POLE: variants seen among roughly 807,000 people sequenced by gnomAD.
The protein encoded by POLE is DNA polymerase epsilon catalytic subunit A.
A neutral mutation model predicts 279.2 loss-of-function variants in POLE; 188 were observed. The observed-to-expected ratio is 0.67, with a 90% confidence interval of 0.60 to 0.76. POLE has a LOEUF of 0.76. Ranked by LOEUF, POLE falls within the 30% of genes least tolerant of loss-of-function variation. POLE has a pLI of 0.00. For missense variants in POLE, 2,703 were observed against 3,016.7 expected (o/e 0.90, Z 2.44); for synonymous variants, 1,214 against 1,172.5 (o/e 1.04, Z -0.72).
chr12:132,676,502 G>A lies in POLE; in HGVS notation c.909+44C>T, dbSNP rs777801717. On this transcript the variant is annotated intron_variant, in intron 9 of 48. Coordinates refer to ENST00000320574, the MANE Select transcript of POLE (RefSeq NM_006231.4). ...CTGCTGTAGTATGGGGACCAGACAA[G>A]GTCCCCATCCCAGGAGCTTACTTCC... The A allele has an allele frequency of 5.0e-6, 6 of 1,206,268 alleles. No homozygotes were observed. The highest frequency in any genetic ancestry group is 3.0e-5 in the African/African-American group (2 of 67,134). The allele number at this position is 1,206,268 out of a possible 1,614,324, so 74.7% of individuals were successfully genotyped here.
intron 25 of POLE, 63 bp downstream of exon 25, chr12:132,660,906 G>A (rs1445149623): frequency 1.5e-6 from 2 of 1,375,870 alleles, no homozygotes; most frequent in Admixed American, 2.3e-5. Context: ...GGAAGCACGG[G>A]GTCCCCTTCT....
intron 6 of POLE, among the ~76,000 whole-genome samples, chr12:132,678,510 G>C (rs945147714): frequency 6.6e-6 from 1 of 151,926 alleles, no homozygotes; most frequent in South Asian, 2.1e-4. Flanking sequence ...CCAGGAGTTC[G>C]AGGCCACAGT....
At position 132,649,397 on chromosome 12, in the gene POLE, C is replaced by A. The variant is rs761617609; in HGVS notation, c.3914G>T (p.Gly1305Val). The change falls in exon 31 of 49, where the codon GGG (glycine) becomes GTG (valine). Residue 1305 changes from glycine (G) to valine (V), a missense_variant. Gly to Val is a moderately radical substitution (Grantham distance 109). Transcript: ENST00000320574. The part of the protein sequence containing the change: ...LESAEGVLRP[G>V]AIRDGPATGL... ...CGTGGCAGGACCATCCCGGATGGCC[C>A]CGGGCCTGAGCACACCCTCTGCCGA... is the stretch of plus-strand genomic sequence containing the variant. The A allele has an allele frequency of 6.2e-7, 1 of 1,613,326 alleles. No homozygotes were observed. The highest frequency in any genetic ancestry group is 8.5e-7 in the Non-Finnish European group (1 of 1,180,036).
chr12:132,668,301 G>T lies in POLE; in HGVS notation c.2173+55C>A, dbSNP rs920126886. ...GGACCAACGCAGCCCAGTAAGAACA[G>T]AAAGTGGGAGCAGGAGCCACATCTT... is the stretch of plus-strand genomic sequence containing the variant. On this transcript the variant is annotated intron_variant, in intron 19 of 48. Coordinates refer to ENST00000320574, the MANE Select transcript of POLE (RefSeq NM_006231.4). The surrounding 1 kb of genome is among the most constrained non-coding windows in gnomAD (Gnocchi z 4.0). 8.0e-6 allele frequency: 12 copies of T among 1,506,366 alleles called. No individual in the cohort carries two copies. Among genetic ancestry groups the T allele is most frequent in the Non-Finnish European group, 1.1e-5 (12 of 1,128,296 alleles). The allele number at this position is 1,506,366 out of a possible 1,614,324, so 93.3% of individuals were successfully genotyped here.
intron 29 of POLE, among the ~76,000 whole-genome samples, chr12:132,654,952 C>G (rs1268236086): frequency 1.6e-4 from 24 of 152,078 alleles, no homozygotes; most frequent in Non-Finnish European, 1.0e-4. Flanking sequence ...GGTGAAGTGC[C>G]TATTCACAGG....
chr12:132,654,948 G>A (rs966183962), intron 29 of POLE, among the ~76,000 whole-genome samples: 24 of 152,142 alleles, frequency 1.6e-4, no homozygotes, highest in Admixed American at 1.4e-3. Flanking sequence ...CTGGGGTGAA[G>A]TGCCTATTCA....
intron 16 of POLE, among the ~76,000 whole-genome samples, chr12:132,670,584 G>A (rs111236734): frequency 0.071 from 10,669 of 150,696 alleles, 529 homozygotes; most frequent in Admixed American, 0.14. Context: ...TCCGCCTCCC[G>A]GGTTCTTGCT....
At position 132,643,119 on chromosome 12, in the gene POLE, G is replaced by A. The variant is rs1235640696; in HGVS notation, c.4551+105C>T. The A allele has an allele frequency of 6.2e-6, 9 of 1,462,182 alleles. No homozygotes were observed. In the South Asian group the frequency reaches 8.6e-5, roughly 14 times the overall value. 90.6% of individuals were successfully genotyped at this position (1,462,182 alleles called of 1,614,324 possible). A position where few individuals can be genotyped will look rare whatever the true frequency, so the allele number is the denominator to read the frequency against. Reference sequence around the variant, plus strand: ...ATCACGACAAGCACTCATGGGCAAAGGCCCTTGAGGACAAGACCTGGAGGG... The same window carrying A: ...ATCACGACAAGCACTCATGGGCAAAAGCCCTTGAGGACAAGACCTGGAGGG... On this transcript the variant is annotated intron_variant, in intron 35 of 48. Transcript: ENST00000320574.
intron 42 of POLE, 105 bp downstream of exon 42, chr12:132,635,787 G>T: frequency 8.4e-7 from 1 of 1,187,512 alleles, no homozygotes; most frequent in Non-Finnish European, 1.2e-6. Flanking sequence ...TGCAGTGTCT[G>T]CTGCTCACGG....
chr12:132,657,157 G>A lies in POLE; in HGVS notation c.3561C>T (p.Phe1187=), dbSNP rs2138656241. 1 of 1,614,028 alleles carries A rather than the reference G, an allele frequency of 6.2e-7. No homozygotes were observed. Among genetic ancestry groups the A allele is most frequent in the Non-Finnish European group, 8.5e-7 (1 of 1,180,000 alleles). ...VYKQKKISEL[F]TLEGRRQVTM... is the part of the protein sequence containing the mutation. Reference sequence around the variant, plus strand: ...TCACCTGTCTCCTGCCCTCCAGGGTGAAGAGCTCACTGATCTTCTTCTGCT... The same window carrying A: ...TCACCTGTCTCCTGCCCTCCAGGGTAAAGAGCTCACTGATCTTCTTCTGCT... The change falls in exon 29 of 49, where the codon TTC becomes TTT. Residue 1187 remains phenylalanine, a synonymous_variant. Coordinates refer to ENST00000320574, the MANE Select transcript of POLE (RefSeq NM_006231.4).
rs573086749 is a variant in POLE at position 132,656,515 on chromosome 12, C to T, written c.3582+621G>A. Among the ~76,000 whole-genome samples the T allele has an allele frequency of 1.9e-3, 296 of 152,084 alleles. 2 individuals carry two copies. The highest frequency in any genetic ancestry group is 6.9e-3 in the African/African-American group (285 of 41,514). On this transcript the variant is annotated intron_variant, in intron 29 of 48. Coordinates refer to ENST00000320574, the MANE Select transcript of POLE (RefSeq NM_006231.4). ...CTAGGACTACAGGCGCCCACCACTA[C>T]GCCTGGCTAATTTTTTGTATTTTTA...
rs2042740100 is a variant in POLE, at chr12:132,664,194, T to TCGCC, written c.2562-47_2562-46insGGCG. The TCGCC allele has an allele frequency of 3.1e-6, 5 of 1,606,902 alleles. 1 individual carries two copies. The highest frequency in any genetic ancestry group is 2.7e-5 in the African/African-American group (2 of 74,714). ...AAGGTCGTGAGTTCCCCTTTCCTTT[T>TCGCC]CACCCAGTGTGTGGCCTCCAGCCTT... On this transcript the variant is annotated intron_variant, in intron 22 of 48. Coordinates refer to ENST00000320574, the MANE Select transcript of POLE (RefSeq NM_006231.4). This position sits in a 1 kb window ranked among gnomAD's most constrained non-coding sequence, Gnocchi z 5.3.
At position 132,677,690 on chromosome 12, in the gene POLE, T is replaced by A. The variant is rs937691282; in HGVS notation, c.608A>T (p.Asp203Val). The A allele has an allele frequency of 6.2e-7, 1 of 1,614,002 alleles. No individual in the cohort carries two copies. Among genetic ancestry groups the A allele is most frequent in the Non-Finnish European group, 8.5e-7 (1 of 1,180,002 alleles). ...SVLQRGGVIT[D>V]EEETSKKIAD... ...TATCTTCTTAGAGGTTTCCTCTTCATCAGTAATGACACCGCCCCTCTGCAG... is the reference window on the plus strand; with the variant it reads ...TATCTTCTTAGAGGTTTCCTCTTCAACAGTAATGACACCGCCCCTCTGCAG... The change falls in exon 7 of 49, where the codon GAT (aspartate) becomes GTT (valine). Residue 203 changes from aspartate to valine, a missense_variant. Transcript: ENST00000320574.
chr12:132,643,030 G>A (rs2138544227), intron 35 of POLE, 34 bp from the exon 36 acceptor site: 1 of 1,559,730 alleles, frequency 6.4e-7, no homozygotes, highest in Non-Finnish European at 8.6e-7. Context: ...GCCTCCCCCT[G>A]CGCAGGAGGA....
Position 132,667,633 on chromosome 12 carries a change from G to C in POLE, c.2189C>G (p.Ala730Gly), listed in dbSNP as rs775541846. 1.2e-6 allele frequency: 2 copies of C among 1,614,174 alleles called. No individual in the cohort carries two copies. The highest frequency in any genetic ancestry group is 1.7e-5 in the Admixed American group (1 of 60,028). The change falls in exon 20 of 49, where the codon GCC becomes GGC. Residue 730 changes from alanine to glycine, a missense_variant. By Grantham distance (60) the Ala-to-Gly change is moderately conservative. Transcript: ENST00000320574. ...CTTGGTGATGTGGATCTTCTTGTAGGCTTTCCGGCAGTAATCTAAGCACGA... is the reference window on the plus strand; with the variant it reads ...CTTGGTGATGTGGATCTTCTTGTAGCCTTTCCGGCAGTAATCTAAGCACGA... The part of the protein sequence containing the change: ...KRRLADYCRK[A>G]YKKIHITKVE...
chr12:132,625,901 C>A (rs369551045), intron 46 of POLE, 131 bp from the exon 47 acceptor site: 1 of 1,283,670 alleles, frequency 7.8e-7, no homozygotes, highest in Non-Finnish European at 1.1e-6. Flanking sequence ...TGCAGCTGCA[C>A]GCACTCTGGC....
At chr12:132,645,253 C>T (rs1312345865) in intron 32 of POLE, among the ~76,000 whole-genome samples, 1 of 138,896 alleles carries the variant, frequency 7.2e-6, no homozygotes, top group African/African-American at 2.8e-5. Flanking sequence ...GAAGAGGGGG[C>T]ACCCTAGCTC....
chr12:132,667,674 C>A (rs2135971629), intron 19 of POLE, 26 bp from the exon 20 acceptor site: 2 of 1,612,438 alleles, frequency 1.2e-6, no homozygotes, highest in Non-Finnish European at 8.5e-7. Flanking sequence ...ATGGGCAGAG[C>A]AGGTGGGTGA....
In POLE at chr12:132,667,660, G is replaced by C. The variant is rs192222479; in HGVS notation, c.2174-12C>G. On this transcript the variant is annotated splice_polypyrimidine_tract_variant and intron_variant, in intron 19 of 48. Coordinates refer to ENST00000320574, the MANE Select transcript of POLE (RefSeq NM_006231.4). ...TTTCCGGCAGTAATCTAAGCACGAC[G>C]GAGATGGGCAGAGCAGGTGGGTGAG... 4 of 1,613,612 alleles carry C rather than the reference G, an allele frequency of 2.5e-6. No homozygotes were observed. The East Asian group carries it at 6.7e-5, about 27-fold the overall frequency.
Sources: allele counts gnomAD v4.1 joint callset (sites outside exome capture counted in the v4.1 genomes callset), GRCh38; gene constraint gnomAD v4.1.1; non-coding constraint Gnocchi (gnomAD v3.1); transcripts MANE v1.5; gene names NCBI Gene and HGNC (gene_info 2026-07-23, HGNC 2026-07-21).